TANC1: variants seen among roughly 807,000 people sequenced by gnomAD.
The protein encoded by TANC1 is protein TANC1.
A neutral mutation model predicts 149.7 loss-of-function variants in TANC1; 77 were observed. The ratio of observed to expected loss-of-function variants is 0.51; its 90% CI spans 0.43 to 0.62. TANC1 has a LOEUF of 0.62. Among genes scored for constraint, TANC1 ranks in the 20% least tolerant of loss-of-function variants. TANC1 has a pLI of 0.00. For synonymous variants in TANC1, 854 were observed against 925.0 expected (o/e 0.92, Z 1.39); for missense variants, 1,985 against 2,321.8 (o/e 0.85, Z 2.98).
chr2:159,196,743 C>T lies in TANC1; in HGVS notation c.3115C>T (p.His1039Tyr), dbSNP rs762973846. The change falls in exon 18 of 27, where the codon CAC becomes TAC. Residue 1039 changes from histidine (H) to tyrosine (Y), a missense_variant. Around this residue, in one of 3 missense-constraint regions of TANC1, gnomAD observed 508 missense variants for 714.2 expected, o/e 0.71. Coordinates refer to ENST00000263635, the MANE Select transcript of TANC1 (RefSeq NM_033394.3). The part of the protein sequence containing the change: ...PPQPGTLRKS[H>Y]ALQQALTAAA... ...CCAGCCAGGCACCCTGAGGAAGAGC[C>T]ACGCCCTGCAGCAGGCGCTGACCGC... 13 of 1,613,690 alleles carry T rather than the reference C, an allele frequency of 8.1e-6. No individual in the cohort carries two copies. The Admixed American group carries it at 2.0e-4, about 25-fold the overall frequency.
At chr2:159,172,381 A>C (rs986758814) in intron 11 of TANC1, 109 bp downstream of exon 11, 27 of 967,208 alleles carry the variant, frequency 2.8e-5, no homozygotes, top group Non-Finnish European at 4.0e-5. Context: ...CTGCTTAATG[A>C]TAAAGTATAG....
intron 16 of TANC1, among the ~76,000 whole-genome samples, chr2:159,192,673 G>A (rs539894078): frequency 9.7e-4 from 148 of 152,174 alleles, no homozygotes; most frequent in African/African-American, 3.3e-3. Flanking sequence ...CTTTTGAGAC[G>A]GAGTCTTGCT....
At chr2:158,973,610 C>T (rs73969405) in intron 1 of TANC1, among the ~76,000 whole-genome samples, 16,539 of 152,154 alleles carry the variant, frequency 0.11, 918 homozygotes, top group African/African-American at 0.13. Context: ...AGGAGAGTTA[C>T]GGTTAGACCC....
rs899365447 is a variant in TANC1, at chr2:159,227,737, TCC to T, written c.3904-79_3904-78del. On this transcript the variant is annotated intron_variant, in intron 24 of 26. Coordinates refer to ENST00000263635, the MANE Select transcript of TANC1 (RefSeq NM_033394.3). ...CGTGGGTTTGCAGGGGGGAGTAAACTCCCCACGGTGTTCCAGGTGTGGGAGTT... is the reference window on the plus strand; with the variant it reads ...CGTGGGTTTGCAGGGGGGAGTAAACTCCACGGTGTTCCAGGTGTGGGAGTT... 7 of 1,493,158 alleles carry T rather than the reference TCC, an allele frequency of 4.7e-6. No individual in the cohort carries two copies. In the African/African-American group the frequency reaches 9.9e-5, roughly 21 times the overall value. The allele number at this position is 1,493,158 out of a possible 1,614,324, so 92.5% of individuals were successfully genotyped here. A position where few individuals can be genotyped will look rare whatever the true frequency, so the allele number is the denominator to read the frequency against.
chr2:159,083,529 C>T (rs2044502252), intron 3 of TANC1, among the ~76,000 whole-genome samples: 1 of 152,078 alleles, frequency 6.6e-6, no homozygotes, highest in Middle Eastern at 3.2e-3. Context: ...AGTAATTTGT[C>T]AGTGTATTTT....
chr2:159,120,360 TA>T (rs1315955466), intron 4 of TANC1, among the ~76,000 whole-genome samples: 5 of 152,112 alleles, frequency 3.3e-5, no homozygotes, highest in South Asian at 2.1e-4. Flanking sequence ...GTAGTTTGTT[TA>T]TTTTTTTTTA....
Position 159,128,108 on chromosome 2 carries a change from G to GT in TANC1, c.260-8079dup, listed in dbSNP as rs915858372. 4.5e-4 allele frequency among the ~76,000 whole-genome samples: 68 copies of GT among 152,230 alleles called. 1 individual carries two copies. The highest frequency in any genetic ancestry group is 1.6e-3 in the African/African-American group (65 of 41,544). ...CAGGTGACACACTTTTTTGTCTTCT[G>GT]TTTTTTTCTTCCCTAGAATTGCAGT... is the stretch of plus-strand genomic sequence containing the variant. On this transcript the variant is annotated intron_variant, in intron 4 of 26. Coordinates refer to ENST00000263635, the MANE Select transcript of TANC1 (RefSeq NM_033394.3).
intron 16 of TANC1, among the ~76,000 whole-genome samples, chr2:159,188,370 T>C (rs13413382): frequency 0.24 from 36,838 of 152,206 alleles, 4,700 homozygotes; most frequent in Middle Eastern, 0.31. Flanking sequence ...AGATGGATTT[T>C]AGTTGCAGTG....
intron 19 of TANC1, among the ~76,000 whole-genome samples, chr2:159,216,427 G>A (rs1224030826): frequency 1.3e-5 from 2 of 152,074 alleles, no homozygotes; most frequent in Admixed American, 6.5e-5. Context: ...GCCATCCCTC[G>A]CCACTCAGCC....
At chr2:159,054,836 T>C (rs1394764488) in intron 2 of TANC1, among the ~76,000 whole-genome samples, 1 of 152,184 alleles carries the variant, frequency 6.6e-6, no homozygotes, top group East Asian at 1.9e-4. Flanking sequence ...TTGTGTACTG[T>C]GCTTACAGTG....
At chr2:158,991,091 CAAA>C (rs34411224) in intron 1 of TANC1, among the ~76,000 whole-genome samples, 15 of 70,176 alleles carry the variant, frequency 2.1e-4, no homozygotes, top group South Asian at 1.1e-3. Context: ...GATCCTGTGT[CAAA>C]AAAAAAAAAA....
chr2:159,153,026 C>T (rs544406078), intron 7 of TANC1, among the ~76,000 whole-genome samples: 77 of 152,258 alleles, frequency 5.1e-4, no homozygotes, highest in Non-Finnish European at 9.4e-4. Context: ...TCAATATTCC[C>T]CTTCAGTGTA....
intron 2 of TANC1, chr2:159,056,207 C>T: frequency 4.3e-6 from 1 of 235,012 alleles, no homozygotes. Flanking sequence ...GAGCTTTCCC[C>T]TGCAAACCAT....
At chr2:159,209,582 G>T (rs1169368572) in intron 19 of TANC1, among the ~76,000 whole-genome samples, 1 of 152,152 alleles carries the variant, frequency 6.6e-6, no homozygotes, top group Non-Finnish European at 1.5e-5. Context: ...AGCTCCCAGT[G>T]GCAGCAAAGC....
chr2:159,195,644 C>G (rs1241294155), intron 17 of TANC1, among the ~76,000 whole-genome samples: 1 of 152,152 alleles, frequency 6.6e-6, no homozygotes, highest in Non-Finnish European at 1.5e-5. Flanking sequence ...ACATTTGGGA[C>G]ATACATAAAC....
rs991718463 is a variant in TANC1 at position 158,968,724 on chromosome 2, C to CA, written c.-184_-183insA. 3 of 152,024 alleles carry CA rather than the reference C, an allele frequency of 2.0e-5. No individual in the cohort carries two copies. The highest frequency in any genetic ancestry group is 4.4e-5 in the Non-Finnish European group (3 of 67,988). The allele number at this position is 152,024 out of a possible 1,614,324, so 9.4% of individuals were successfully genotyped here. A position where few individuals can be genotyped will look rare whatever the true frequency, so the allele number is the denominator to read the frequency against. ...CGCGGAGCGCCGAGCTGGCCTCGCC[C>CA]CGAGGCCCGGCCCTGGGTGTGGGGA... On this transcript the variant is annotated 5_prime_UTR_variant, in exon 1 of 27. Transcript: ENST00000263635.
chr2:159,141,913 G>A (rs1024686032), intron 5 of TANC1, among the ~76,000 whole-genome samples: 2 of 152,168 alleles, frequency 1.3e-5, no homozygotes, highest in African/African-American at 4.8e-5. Context: ...ATACCTTGCA[G>A]GACAGAGTGC....
chr2:159,101,027 C>T lies in TANC1; in HGVS notation c.259+3193C>T, dbSNP rs149363578. Among the ~76,000 whole-genome samples, 551 of 152,288 alleles carry T rather than the reference C, an allele frequency of 3.6e-3. 6 individuals carry two copies. Among genetic ancestry groups the T allele is most frequent in the Non-Finnish European group, 5.3e-3 (363 of 68,020 alleles). On this transcript the variant is annotated intron_variant, in intron 4 of 26. Transcript: ENST00000263635. ...ATGGAGCCACTCCCCTCCTCTCCTT[C>T]CACGCTGGCCCCACAGTGGGTCATG...
rs767691879 is a variant in TANC1, at chr2:159,163,536, C to T, written c.936C>T (p.Asn312=). ...GSSSLIMPRP[N]SVAATSSTKL... ...GCTCACTAATAATGCCACGGCCCAA[C>T]TCAGTTGCAGGTAAGGCCACACCTT... The change falls in exon 8 of 27, where the codon AAC becomes AAT. Residue 312 remains asparagine, a synonymous_variant. Coordinates refer to ENST00000263635, the MANE Select transcript of TANC1 (RefSeq NM_033394.3). The T allele has an allele frequency of 1.4e-5, 23 of 1,612,046 alleles. No homozygotes were observed. Among genetic ancestry groups the T allele is most frequent in the South Asian group, 1.1e-4 (10 of 90,972 alleles).
Sources: gnomAD v4.1 joint callset for allele counts (sites outside exome capture counted in the v4.1 genomes callset) on GRCh38, gnomAD v4.1.1 for gene constraint, gnomAD v4.1.1 regional missense constraint, MANE v1.5 for transcripts, NCBI Gene and HGNC (gene_info 2026-07-23, HGNC 2026-07-21) for gene names.